Variants in CDK13 observed in about 807,000 individuals in gnomAD.
CDK13 encodes cyclin-dependent kinase 13.
A neutral mutation model predicts 137.6 loss-of-function variants in CDK13; 40 were observed. The ratio of observed to expected loss-of-function variants is 0.29; its 90% confidence interval spans 0.23 to 0.38. The LOEUF (loss-of-function observed/expected upper bound fraction) is 0.38. Ranked by LOEUF, CDK13 falls within the 10% of genes least tolerant of loss-of-function variation. The pLI, the probability that CDK13 is intolerant of heterozygous loss-of-function variation, is 1.00. For missense variants in CDK13, 1,704 were observed against 1,951.8 expected, an observed-to-expected ratio of 0.87 and a Z score of 2.39; for synonymous variants, 869 against 760.1, an observed-to-expected ratio of 1.14 and a Z score of -2.36.
At chr7:39,960,417 G>T (rs976061067) in intron 1 of CDK13, among the ~76,000 whole-genome samples, 1 of 151,692 alleles carries the variant, frequency 6.6e-6, no homozygotes, top group African/African-American at 2.4e-5. Flanking sequence ...CACCACGCTT[G>T]GCTAATTTTT....
intron 1 of CDK13, among the ~76,000 whole-genome samples, chr7:39,973,478 A>C (rs369526446): frequency 6.6e-6 from 1 of 152,056 alleles, no homozygotes; most frequent in South Asian, 2.1e-4. Flanking sequence ...TTATTATAGG[A>C]TCTTAAGAGT....
At chr7:40,088,077 T>C in intron 11 of CDK13, 49 bp from the exon 12 acceptor site, 1 of 1,528,358 alleles carries the variant, frequency 6.5e-7, no homozygotes, top group Non-Finnish European at 9.0e-7. Context: ...ACTGTAGCAT[T>C]TTTTGTTAAG....
At chr7:40,021,224 C>CG (rs1785118408) in intron 5 of CDK13, among the ~76,000 whole-genome samples, 1 of 151,774 alleles carries the variant, frequency 6.6e-6, no homozygotes, top group South Asian at 2.1e-4. Flanking sequence ...TGACTGGGCG[C>CG]GGTGGCTCAC....
intron 9 of CDK13, among the ~76,000 whole-genome samples, chr7:40,075,024 CT>C (rs1401172558): frequency 6.6e-6 from 1 of 151,716 alleles, no homozygotes; most frequent in East Asian, 1.9e-4. Context: ...GCAGGATTCT[CT>C]TTTGGAGTGT....
intron 1 of CDK13, among the ~76,000 whole-genome samples, chr7:39,959,704 G>T (rs189255812): frequency 6.6e-6 from 1 of 151,984 alleles, no homozygotes; most frequent in African/African-American, 2.4e-5. Flanking sequence ...AGCTCAAGCA[G>T]TCTGCCTGCC....
chr7:40,014,966 G>C, intron 5 of CDK13, among the ~76,000 whole-genome samples: 1 of 152,062 alleles, frequency 6.6e-6, no homozygotes, highest in Middle Eastern at 3.4e-3. Flanking sequence ...TTTTTTGAGG[G>C]GTGAGTTGAA....
At chr7:39,954,577 A>G (rs1787348850) in intron 1 of CDK13, among the ~76,000 whole-genome samples, 1 of 152,086 alleles carries the variant, frequency 6.6e-6, no homozygotes. Flanking sequence ...TTTACTGAAC[A>G]TACAAAATAT....
intron 5 of CDK13, among the ~76,000 whole-genome samples, chr7:40,020,202 G>C (rs1292683798): frequency 1.3e-5 from 2 of 151,898 alleles, no homozygotes; most frequent in Non-Finnish European, 2.9e-5. Context: ...CAAGTAGCTG[G>C]GACTACAGGT....
chr7:40,030,925 G>C (rs1785365685), intron 5 of CDK13, among the ~76,000 whole-genome samples: 1 of 152,146 alleles, frequency 6.6e-6, no homozygotes, highest in African/African-American at 2.4e-5. Flanking sequence ...CCCACTGAAG[G>C]ATATTTTGGG....
chr7:39,984,919 G>C (rs1784304747), intron 1 of CDK13: 1 of 151,564 alleles, frequency 6.6e-6, no homozygotes, highest in East Asian at 1.9e-4. Flanking sequence ...ATAATCGCTT[G>C]AACCCGGTAG....
At chr7:39,952,498 C>G (rs1047476954) in intron 1 of CDK13, 2 of 152,134 alleles carry the variant, frequency 1.3e-5, no homozygotes, top group Non-Finnish European at 2.9e-5. Flanking sequence ...TTTACCTGAT[C>G]TTTCAAAGTC....
chr7:39,958,371 C>G (rs139956485), intron 1 of CDK13, among the ~76,000 whole-genome samples: 4 of 151,946 alleles, frequency 2.6e-5, no homozygotes, highest in Non-Finnish European at 5.9e-5. Context: ...TATTTTTCAC[C>G]TGTTTGCAAG....
At chr7:39,988,916 T>C (rs1249793194) in intron 2 of CDK13, among the ~76,000 whole-genome samples, 1 of 151,524 alleles carries the variant, frequency 6.6e-6, no homozygotes, top group Non-Finnish European at 1.5e-5. Context: ...ACCCCGTCTC[T>C]ACTAAAAATA....
Position 39,971,291 on chromosome 7 carries a change from C to A in CDK13, c.1212-16308C>A, listed in dbSNP as rs558663602. Reference sequence around the variant, plus strand: ...CCAGCAGTTTGGGAGGCTAGGGCAGCAGATCAACTGAGGCCAGGAGTTCAA... The same window carrying A: ...CCAGCAGTTTGGGAGGCTAGGGCAGAAGATCAACTGAGGCCAGGAGTTCAA... On this transcript the variant is annotated intron_variant, in intron 1 of 13. Coordinates refer to ENST00000181839, the MANE Select transcript of CDK13 (RefSeq NM_003718.5). Among the ~76,000 whole-genome samples the A allele has an allele frequency of 5.3e-5, 8 of 150,398 alleles. No homozygotes were observed. In the South Asian group the frequency reaches 1.7e-3, roughly 32 times the overall value.
chr7:39,996,211 TAATTAC>T (rs1352022248), intron 2 of CDK13, among the ~76,000 whole-genome samples: 59 of 152,226 alleles, frequency 3.9e-4, no homozygotes, highest in African/African-American at 1.4e-3. Context: ...AATAGGAGGA[TAATTAC>T]AATTACATTA....
At chr7:40,005,940 G>A (rs1478274884) in intron 5 of CDK13, among the ~76,000 whole-genome samples, 1 of 151,998 alleles carries the variant, frequency 6.6e-6, no homozygotes, top group African/African-American at 2.4e-5. Flanking sequence ...CCCCAAGGCC[G>A]GCGTCAAACT....
intron 1 of CDK13, among the ~76,000 whole-genome samples, chr7:39,966,783 G>A (rs891259905): frequency 6.6e-6 from 1 of 152,064 alleles, no homozygotes; most frequent in African/African-American, 2.4e-5. Flanking sequence ...TGTACAGATG[G>A]GGTTTTGGTG....
chr7:39,958,313 T>C (rs1787488274), intron 1 of CDK13, among the ~76,000 whole-genome samples: 2 of 152,216 alleles, frequency 1.3e-5, no homozygotes, highest in African/African-American at 4.8e-5. Flanking sequence ...TAACATTAAA[T>C]TATTTCACCT....
chr7:39,950,680 G>C lies in CDK13; in HGVS notation c.39G>C (p.Gly13=). 7.1e-7 allele frequency: 1 copy of C among 1,401,484 alleles called. No homozygotes were observed. Among genetic ancestry groups the C allele is most frequent in the Non-Finnish European group, 9.2e-7 (1 of 1,082,818 alleles). The allele number at this position is 1,401,484 out of a possible 1,614,324, so 86.8% of individuals were successfully genotyped here. Residue 13 remains glycine, a synonymous_variant, in exon 1 of 14, where the codon GGG becomes GGC. Transcript: ENST00000181839. ...SSSDTALGGG[G]GLSWAEKKLE... Reference sequence around the variant, plus strand: ...CGGACACGGCGCTGGGGGGAGGCGGGGGCCTGAGCTGGGCGGAGAAGAAGT... The same window carrying C: ...CGGACACGGCGCTGGGGGGAGGCGGCGGCCTGAGCTGGGCGGAGAAGAAGT...
Sources: gnomAD v4.1 joint callset for allele counts (sites outside exome capture counted in the v4.1 genomes callset) on GRCh38, gnomAD v4.1.1 for gene constraint, MANE v1.5 for transcripts, NCBI Gene and HGNC (gene_info 2026-07-23, HGNC 2026-07-21) for gene names.